Variants in KDM6A observed in about 807,000 individuals in gnomAD.
KDM6A encodes lysine demethylase 6A.
KDM6A carries 11 observed loss-of-function variants against 117.6 expected under a neutral mutation model. That is an observed-to-expected ratio of 0.09 (90% CI 0.06 to 0.15). The LOEUF is 0.15. Among genes scored for constraint, KDM6A ranks in the 10% least tolerant of loss-of-function variants. The pLI is 1.00. For synonymous variants in KDM6A, 384 were observed against 396.1 expected (o/e 0.97, Z 0.36); for missense variants, 799 against 1,077.3 (o/e 0.74, Z 3.62).
chrX:44,877,157 G>T (rs1317705982), intron 2 of KDM6A, among the ~76,000 whole-genome samples: 1 of 111,620 alleles, frequency 9.0e-6, no homozygotes, highest in African/African-American at 3.3e-5. Flanking sequence ...TCAAACCACT[G>T]ATTTCTCATC....
At chrX:45,075,157 G>A (rs1011133669) in intron 18 of KDM6A, among the ~76,000 whole-genome samples, 3 of 111,618 alleles carry the variant, frequency 2.7e-5, no homozygotes, top group Non-Finnish European at 5.7e-5. Flanking sequence ...CGATAGAGTG[G>A]CAGATACACA....
chrX:44,954,559 C>T (rs2038211021), intron 2 of KDM6A, among the ~76,000 whole-genome samples: 1 of 111,326 alleles, frequency 9.0e-6, no homozygotes, highest in Non-Finnish European at 1.9e-5. Flanking sequence ...CATAGTTTGC[C>T]ACCTCTTTAG....
rs1040271716 is a variant in KDM6A, at chrX:45,066,238, C to T, written c.2079+2421C>T. ...AGTTCGCTTCAAGATAATATAAAAT[C>T]GGCAGAGAAAAACTGAAGTAGCAAG... On this transcript the variant is annotated intron_variant, in intron 17 of 29. Transcript: ENST00000611820. Among the ~76,000 whole-genome samples the T allele has an allele frequency of 7.2e-5, 8 of 111,535 alleles. No homozygotes were observed. The Admixed American group carries it at 7.7e-4, about 11-fold the overall frequency.
rs895284279 is a variant in KDM6A, at chrX:44,969,882, A to G, written c.335-4784A>G. On this transcript the variant is annotated intron_variant, in intron 3 of 29. Coordinates refer to ENST00000611820, the MANE Select transcript of KDM6A (RefSeq NM_001291415.2). ...AATCATTCTAAAACAGGTTTTAAGC[A>G]TTGTATGAGGATGTCCAAATAAATG... Among the ~76,000 whole-genome samples, 8 of 112,485 alleles carry G rather than the reference A, an allele frequency of 7.1e-5. 1 individual carries two copies. Among genetic ancestry groups the G allele is most frequent in the Admixed American group, 5.7e-4 (6 of 10,608 alleles).
At chrX:45,041,809 G>T (rs1454930089) in intron 8 of KDM6A, among the ~76,000 whole-genome samples, 1 of 110,751 alleles carries the variant, frequency 9.0e-6, no homozygotes, top group African/African-American at 3.3e-5. Flanking sequence ...CCCAGACGAT[G>T]GGGGGCCAGG....
At chrX:44,940,619 A>G (rs1446103216) in intron 2 of KDM6A, among the ~76,000 whole-genome samples, 5 of 112,004 alleles carry the variant, frequency 4.5e-5, no homozygotes, top group Non-Finnish European at 5.6e-5. Flanking sequence ...CTGGATAGAC[A>G]TATTTTGTCA....
intron 8 of KDM6A, among the ~76,000 whole-genome samples, chrX:45,042,195 G>A (rs1180145196): frequency 2.0e-5 from 2 of 100,237 alleles, no homozygotes; most frequent in African/African-American, 7.7e-5. Flanking sequence ...GAGCCGAGAT[G>A]GCAGCAGTAC....
At chrX:44,987,985 T>C (rs922207297) in intron 4 of KDM6A, among the ~76,000 whole-genome samples, 12 of 111,938 alleles carry the variant, frequency 1.1e-4, no homozygotes, top group Non-Finnish European at 2.3e-4. Context: ...TTCTCCTGGA[T>C]AATATCCTGC....
At chrX:44,950,889 C>T (rs1173541067) in intron 2 of KDM6A, among the ~76,000 whole-genome samples, 3 of 108,439 alleles carry the variant, frequency 2.8e-5, no homozygotes, top group Non-Finnish European at 3.8e-5. Flanking sequence ...TGCCCAGGCA[C>T]GCAACAGTAT....
intron 2 of KDM6A, among the ~76,000 whole-genome samples, chrX:44,952,269 AC>A (rs1401302780): frequency 3.6e-5 from 3 of 83,947 alleles, no homozygotes; most frequent in Admixed American, 2.5e-4. Flanking sequence ...CATTCTACTG[AC>A]CTTTTTTTTT....
intron 2 of KDM6A, among the ~76,000 whole-genome samples, chrX:44,901,114 C>T (rs914099210): frequency 9.0e-6 from 1 of 111,583 alleles, no homozygotes; most frequent in Non-Finnish European, 1.9e-5. Context: ...GGTGCAGTGG[C>T]TCACGCCTGT....
intron 8 of KDM6A, among the ~76,000 whole-genome samples, chrX:45,047,828 C>T (rs2043640034): frequency 9.5e-6 from 1 of 105,360 alleles, no homozygotes. Flanking sequence ...AGACTACAGG[C>T]GCGTGCCATC....
intron 3 of KDM6A, among the ~76,000 whole-genome samples, chrX:44,966,775 T>C (rs1431596292): frequency 9.0e-6 from 1 of 111,248 alleles, no homozygotes; most frequent in Non-Finnish European, 1.9e-5. Context: ...TGGTGGTTTC[T>C]ATTTCCTAGA....
intron 5 of KDM6A, among the ~76,000 whole-genome samples, chrX:45,014,382 A>G (rs990365340): frequency 8.9e-6 from 1 of 111,830 alleles, no homozygotes; most frequent in East Asian, 2.8e-4. Context: ...AGCCCAGTCA[A>G]CTGTTCCATC....
chrX:44,908,008 A>T (rs2034837584), intron 2 of KDM6A, among the ~76,000 whole-genome samples: 1 of 109,787 alleles, frequency 9.1e-6, no homozygotes, highest in South Asian at 3.9e-4. Context: ...TTAATTTTTT[A>T]TTGGGGTAGG....
chrX:44,883,065 GTT>G (rs56794838), intron 2 of KDM6A, among the ~76,000 whole-genome samples: 2 of 99,679 alleles, frequency 2.0e-5, no homozygotes, highest in Non-Finnish European at 4.1e-5. Flanking sequence ...GAGCAGTTAA[GTT>G]TTTTTTTTTT....
intron 5 of KDM6A, among the ~76,000 whole-genome samples, chrX:45,011,797 A>AT (rs2041771848): frequency 9.1e-6 from 1 of 110,092 alleles, no homozygotes; most frequent in Non-Finnish European, 1.9e-5. Flanking sequence ...TTATTTATTT[A>AT]TTTTTTGAGA....
At chrX:45,096,455 C>G (rs1434499639) in intron 27 of KDM6A, among the ~76,000 whole-genome samples, 2 of 111,567 alleles carry the variant, frequency 1.8e-5, no homozygotes, top group African/African-American at 6.5e-5. Flanking sequence ...ACCGTCAAAC[C>G]ATTAAAACAT....
intron 2 of KDM6A, among the ~76,000 whole-genome samples, chrX:44,886,937 CTTTTTTTTT>C (rs757868291): frequency 1.1e-4 from 11 of 97,069 alleles, no homozygotes; most frequent in African/African-American, 4.2e-4. Context: ...AGATGAATAT[CTTTTTTTTT>C]TTTTTTTGTA....
Sources: gnomAD v4.1 joint callset for allele counts (sites outside exome capture counted in the v4.1 genomes callset) on GRCh38, gnomAD v4.1.1 for gene constraint, MANE v1.5 for transcripts, NCBI Gene and HGNC (gene_info 2026-07-23, HGNC 2026-07-21) for gene names.